The following APBB2 variants were observed in gnomAD, a reference collection of about 807,000 sequenced individuals.
APBB2 encodes the protein Fe65-like 1.
A neutral mutation model predicts 82.5 loss-of-function variants in APBB2; 38 were observed. The observed-to-expected ratio is 0.46, with a 90% CI of 0.36 to 0.60. The LOEUF is 0.60. Ranked by LOEUF, APBB2 falls within the 20% of genes least tolerant of loss-of-function variation. The pLI is 0.00. For missense variants in APBB2, 772 were observed against 972.3 expected (o/e 0.79, Z 2.74); for synonymous variants, 341 against 368.2 (o/e 0.93, Z 0.85).
intron 4 of APBB2, among the ~76,000 whole-genome samples, chr4:41,044,253 A>G (rs1722568832): frequency 6.6e-6 from 1 of 152,214 alleles, no homozygotes; most frequent in Non-Finnish European, 1.5e-5. Flanking sequence ...TTTCAAGATG[A>G]TGAAATGGTG....
intron 7 of APBB2, among the ~76,000 whole-genome samples, chr4:40,936,708 C>T (rs894045979): frequency 6.6e-6 from 1 of 152,140 alleles, no homozygotes; most frequent in Non-Finnish European, 1.5e-5. Flanking sequence ...GAACTTAGAC[C>T]ACTATATTTA....
At chr4:40,967,189 G>A (rs530454814) in intron 6 of APBB2, among the ~76,000 whole-genome samples, 3 of 152,124 alleles carry the variant, frequency 2.0e-5, no homozygotes, top group Non-Finnish European at 4.4e-5. Flanking sequence ...CCTACTGTGG[G>A]TCTCCTCTGA....
chr4:41,027,243 G>A (rs547757595), intron 5 of APBB2, among the ~76,000 whole-genome samples: 2 of 149,606 alleles, frequency 1.3e-5, no homozygotes, highest in African/African-American at 4.9e-5. Flanking sequence ...CTGAACCCCT[G>A]GTGTTTCAGT....
intron 12 of APBB2, among the ~76,000 whole-genome samples, chr4:40,865,835 G>C (rs12501245): frequency 0.71 from 107,237 of 152,020 alleles, 38,538 homozygotes; most frequent in African/African-American, 0.83. Context: ...GAAACATGCT[G>C]AACATCATTT....
chr4:41,110,812 G>T (rs548849750), intron 2 of APBB2, among the ~76,000 whole-genome samples: 2 of 152,282 alleles, frequency 1.3e-5, no homozygotes, highest in South Asian at 4.1e-4. Context: ...AACTGGTTTC[G>T]TGAAAGACAA....
chr4:41,112,919 G>A (rs569249135), intron 2 of APBB2, among the ~76,000 whole-genome samples: 22 of 152,158 alleles, frequency 1.4e-4, no homozygotes, highest in South Asian at 4.2e-4. Context: ...TCCAGGAGGC[G>A]GAGGTTGCAG....
intron 2 of APBB2, among the ~76,000 whole-genome samples, chr4:41,124,792 T>C (rs1026749624): frequency 1.3e-5 from 2 of 152,224 alleles, no homozygotes; most frequent in African/African-American, 4.8e-5. Context: ...TCTAAGACTA[T>C]CCTTCCACCC....
chr4:41,137,043 A>G (rs578079763), intron 2 of APBB2, among the ~76,000 whole-genome samples: 34 of 152,328 alleles, frequency 2.2e-4, no homozygotes, highest in African/African-American at 6.5e-4. Flanking sequence ...ACTAATACAA[A>G]GATAAAAACA....
intron 4 of APBB2, among the ~76,000 whole-genome samples, chr4:41,056,942 G>C (rs1382260061): frequency 6.6e-6 from 1 of 152,138 alleles, no homozygotes; most frequent in African/African-American, 2.4e-5. Flanking sequence ...TGGATTTATT[G>C]GTATTGAGTT....
chr4:40,913,643 A>G (rs2154364030), intron 10 of APBB2, among the ~76,000 whole-genome samples: 1 of 152,252 alleles, frequency 6.6e-6, no homozygotes, highest in East Asian at 1.9e-4. Context: ...GAGTTGCCCA[A>G]TGCACATGTT....
intron 4 of APBB2, among the ~76,000 whole-genome samples, chr4:41,037,817 A>G (rs1719835048): frequency 6.6e-6 from 1 of 152,160 alleles, no homozygotes; most frequent in Non-Finnish European, 1.5e-5. Flanking sequence ...TAAGAGTTCA[A>G]GACCAGCCTG....
intron 12 of APBB2, chr4:40,880,454 T>C (rs749771210): frequency 5.2e-5 from 51 of 985,330 alleles, no homozygotes; most frequent in Admixed American, 6.1e-5. Context: ...AAGAGGCTTT[T>C]AGCAATTCTT....
intron 12 of APBB2, among the ~76,000 whole-genome samples, chr4:40,860,061 A>AT (rs1762398334): frequency 6.6e-6 from 1 of 152,186 alleles, no homozygotes. Flanking sequence ...AAAATCATCC[A>AT]TTTATTATTC....
chr4:40,961,361 G>A (rs1343771343), intron 6 of APBB2, among the ~76,000 whole-genome samples: 1 of 151,652 alleles, frequency 6.6e-6, no homozygotes, highest in African/African-American at 2.4e-5. Context: ...TTAAGAAATT[G>A]GAAATCATCA....
chr4:41,145,901 T>C (rs1048552033), intron 1 of APBB2, among the ~76,000 whole-genome samples: 1 of 152,158 alleles, frequency 6.6e-6, no homozygotes, highest in Non-Finnish European at 1.5e-5. Flanking sequence ...TTTCAAAAAT[T>C]AAGAGATGCC....
chr4:40,961,395 C>CA lies in APBB2; in HGVS notation c.836-16323dup, dbSNP rs1793168904. Among the ~76,000 whole-genome samples the CA allele has an allele frequency of 2.7e-5, 4 of 146,316 alleles. No homozygotes were observed. In the Admixed American group the frequency reaches 2.8e-4, roughly 10 times the overall value. ...CATTCTCAGTAAACTATCGCAAGAA[C>CA]AAAAAACCAAACACCGCATATTCTC... On this transcript the variant is annotated intron_variant, in intron 6 of 17. Coordinates refer to ENST00000508593, the MANE Select transcript of APBB2 (RefSeq NM_004307.2).
chr4:40,992,586 T>C (rs184573728), intron 6 of APBB2, among the ~76,000 whole-genome samples: 172 of 152,234 alleles, frequency 1.1e-3, no homozygotes, highest in African/African-American at 3.8e-3. Flanking sequence ...CATTAATATG[T>C]AGTAAGGAAG....
chr4:41,010,595 C>T (rs547363478), intron 6 of APBB2, among the ~76,000 whole-genome samples: 1 of 152,224 alleles, frequency 6.6e-6, no homozygotes, highest in East Asian at 1.9e-4. Flanking sequence ...TTGCCCTCTC[C>T]ACAGGCCCCT....
intron 7 of APBB2, among the ~76,000 whole-genome samples, chr4:40,936,963 AG>A (rs1785525871): frequency 6.6e-6 from 1 of 152,222 alleles, no homozygotes; most frequent in Non-Finnish European, 1.5e-5. Context: ...CAGATGGGCC[AG>A]TGACCAATTT....
Sources: allele counts gnomAD v4.1 joint callset (sites outside exome capture counted in the v4.1 genomes callset), GRCh38; gene constraint gnomAD v4.1.1; transcripts MANE v1.5; gene names NCBI Gene and HGNC (gene_info 2026-07-23, HGNC 2026-07-21).